PSD3: variants seen among roughly 807,000 people sequenced by gnomAD.
PSD3 encodes the protein PH and SEC7 domain-containing protein 3.
A neutral mutation model predicts 105.5 loss-of-function variants in PSD3; 49 were observed. The observed-to-expected ratio is 0.46, with a 90% CI of 0.37 to 0.59. The LOEUF is 0.59. Ranked by LOEUF, PSD3 falls within the 20% of genes least tolerant of loss-of-function variation. The pLI, the probability that PSD3 is intolerant of heterozygous loss-of-function variation, is 0.00. For synonymous variants in PSD3, 557 were observed against 457.8 expected (o/e 1.22, Z -2.77); for missense variants, 1,561 against 1,263.8 (o/e 1.24, Z -3.57).
intron 4 of PSD3, among the ~76,000 whole-genome samples, chr8:18,860,200 C>T (rs570534885): frequency 3.8e-4 from 57 of 151,990 alleles, no homozygotes; most frequent in Non-Finnish European, 5.9e-4. Flanking sequence ...ATGGAGCAAT[C>T]GGAACACACA....
intron 15 of PSD3, among the ~76,000 whole-genome samples, chr8:18,537,971 G>A (rs1280032861): frequency 2.6e-5 from 4 of 152,262 alleles, no homozygotes; most frequent in Admixed American, 1.3e-4. Flanking sequence ...GCCACTGCAC[G>A]TGGCCTAGCC....
At chr8:18,615,220 C>T (rs535903195) in intron 11 of PSD3, among the ~76,000 whole-genome samples, 149 of 152,062 alleles carry the variant, frequency 9.8e-4, no homozygotes, top group African/African-American at 3.5e-3. Context: ...CTGCACCCTA[C>T]ATTCCAATCA....
intron 9 of PSD3, among the ~76,000 whole-genome samples, chr8:18,661,194 T>C (rs1425768556): frequency 6.6e-6 from 1 of 152,220 alleles, no homozygotes; most frequent in African/African-American, 2.4e-5. Flanking sequence ...CTGTGGTTCC[T>C]GAATCATTAT....
At chr8:18,651,209 G>A (rs988451151) in intron 10 of PSD3, among the ~76,000 whole-genome samples, 7 of 152,184 alleles carry the variant, frequency 4.6e-5, no homozygotes, top group Admixed American at 1.3e-4. Flanking sequence ...TCCCAGGTAA[G>A]GCCCCAAGGC....
intron 4 of PSD3, among the ~76,000 whole-genome samples, chr8:18,847,972 C>T (rs1229332520): frequency 6.6e-6 from 1 of 152,062 alleles, no homozygotes; most frequent in Admixed American, 6.5e-5. Context: ...AGACCCATGA[C>T]AACTCAAAGA....
At chr8:19,082,017 A>G (rs920232933) in intron 1 of PSD3, among the ~76,000 whole-genome samples, 2 of 152,224 alleles carry the variant, frequency 1.3e-5, no homozygotes, top group African/African-American at 2.4e-5. Context: ...TATTTTAATC[A>G]GCTTTTTGAT....
intron 1 of PSD3, among the ~76,000 whole-genome samples, chr8:19,068,566 C>T (rs576111813): frequency 2.6e-5 from 4 of 152,150 alleles, no homozygotes; most frequent in Non-Finnish European, 5.9e-5. Context: ...GCTGGGATTA[C>T]ATGCGTGAGC....
chr8:18,889,403 T>C (rs1052981057), intron 2 of PSD3, among the ~76,000 whole-genome samples: 3 of 152,100 alleles, frequency 2.0e-5, no homozygotes, highest in African/African-American at 7.2e-5. Context: ...GCCTGTGATA[T>C]ACAAACCAAC....
At chr8:18,576,889 CT>C (rs71217384) in intron 12 of PSD3, among the ~76,000 whole-genome samples, 34,443 of 145,956 alleles carry the variant, frequency 0.24, 4,707 homozygotes, top group East Asian at 0.45. Context: ...TTTGTGTGTA[CT>C]TTTTTTTTTT....
At chr8:19,081,810 T>C (rs1465794930) in intron 1 of PSD3, among the ~76,000 whole-genome samples, 1 of 152,172 alleles carries the variant, frequency 6.6e-6, no homozygotes, top group East Asian at 1.9e-4. Flanking sequence ...AGTTTACTCT[T>C]CAGATCCAGG....
intron 1 of PSD3, among the ~76,000 whole-genome samples, chr8:18,946,568 A>C (rs1822868087): frequency 6.6e-6 from 1 of 150,940 alleles, no homozygotes; most frequent in African/African-American, 2.4e-5. Context: ...GCATGGAACA[A>C]CACCTTGTTT....
intron 1 of PSD3, among the ~76,000 whole-genome samples, chr8:18,945,580 CT>C (rs1357889247): frequency 2.6e-5 from 4 of 152,206 alleles, no homozygotes; most frequent in African/African-American, 9.6e-5. Context: ...GTTTGTGATA[CT>C]TTCTTCCAGC....
chr8:19,075,761 C>T (rs960105428), intron 1 of PSD3, among the ~76,000 whole-genome samples: 3 of 152,188 alleles, frequency 2.0e-5, no homozygotes, highest in East Asian at 3.9e-4. Context: ...TGTTTCATGC[C>T]GTATGTTTCA....
intron 6 of PSD3, chr8:18,802,273 A>G (rs1184029146): frequency 6.3e-6 from 2 of 315,608 alleles, no homozygotes; most frequent in Non-Finnish European, 1.3e-5. Flanking sequence ...CCACACATTA[A>G]TCTACTCGGA....
intron 14 of PSD3, among the ~76,000 whole-genome samples, chr8:18,566,150 A>G (rs1476130318): frequency 6.6e-6 from 1 of 152,112 alleles, no homozygotes; most frequent in Non-Finnish European, 1.5e-5. Context: ...TTAATTTTAC[A>G]TATGTGTTTC....
chr8:18,986,363 T>C (rs1418821822), intron 1 of PSD3, among the ~76,000 whole-genome samples: 1 of 152,154 alleles, frequency 6.6e-6, no homozygotes, highest in Non-Finnish European at 1.5e-5. Flanking sequence ...AAATACTGGG[T>C]ACCTCATATG....
chr8:19,080,973 T>C (rs1829626378), intron 1 of PSD3, among the ~76,000 whole-genome samples: 1 of 152,106 alleles, frequency 6.6e-6, no homozygotes, highest in Admixed American at 6.5e-5. Flanking sequence ...AGAAAGCTTT[T>C]CCCCCCTGTC....
At chr8:18,964,739 G>A (rs1896198) in intron 1 of PSD3, among the ~76,000 whole-genome samples, 61,982 of 151,816 alleles carry the variant, frequency 0.41, 12,899 homozygotes, top group African/African-American at 0.43. Flanking sequence ...CTCTCAACTC[G>A]CTCAAAGCCA....
chr8:18,913,098 C>A (rs187313983), intron 2 of PSD3, among the ~76,000 whole-genome samples: 8 of 149,480 alleles, frequency 5.4e-5, no homozygotes, highest in African/African-American at 7.3e-5. Context: ...CACACACACA[C>A]ACACACACAC....
Sources: gnomAD v4.1 joint callset for allele counts (sites outside exome capture counted in the v4.1 genomes callset) on GRCh38, gnomAD v4.1.1 for gene constraint, MANE v1.5 for transcripts, NCBI Gene and HGNC (gene_info 2026-07-23, HGNC 2026-07-21) for gene names.